The following EYS variants were observed in gnomAD, a reference collection of about 807,000 sequenced individuals.
EYS encodes protein eyes shut homolog.
In EYS, 250 loss-of-function variants were observed where a neutral mutation model predicts 282.1. The observed-to-expected ratio is 0.89, with a 90% confidence interval of 0.80 to 0.98. The LOEUF is 0.98. EYS is among the 50% of genes least tolerant of loss of function. EYS has a pLI of 0.00. For missense variants in EYS, 4,016 were observed against 3,709.0 expected (o/e 1.08, Z -2.15); for synonymous variants, 1,355 against 1,282.9 (o/e 1.06, Z -1.20).
intron 8 of EYS, among the ~76,000 whole-genome samples, chr6:65,359,004 A>C (rs535620327): frequency 1.3e-5 from 2 of 152,148 alleles, no homozygotes; most frequent in South Asian, 4.1e-4. Context: ...ATGCCTTTGG[A>C]AGCAAACATC....
At chr6:64,585,320 G>C (rs2149827337) in intron 26 of EYS, among the ~76,000 whole-genome samples, 1 of 152,202 alleles carries the variant, frequency 6.6e-6, no homozygotes, top group South Asian at 2.1e-4. Context: ...ACTAGTAGAA[G>C]TTGGGGAGGG....
intron 30 of EYS, among the ~76,000 whole-genome samples, chr6:64,293,711 G>T (rs1374203995): frequency 6.6e-6 from 1 of 152,028 alleles, no homozygotes; most frequent in Non-Finnish European, 1.5e-5. Flanking sequence ...GATGCATAGA[G>T]ATGTATTTTA....
At chr6:65,566,241 C>T (rs1321465624) in intron 2 of EYS, among the ~76,000 whole-genome samples, 1 of 151,936 alleles carries the variant, frequency 6.6e-6, no homozygotes, top group South Asian at 2.1e-4. Flanking sequence ...ATGCACTAGA[C>T]TGGTAAGGGA....
At chr6:65,199,884 C>T (rs889140465) in intron 12 of EYS, among the ~76,000 whole-genome samples, 4 of 152,020 alleles carry the variant, frequency 2.6e-5, no homozygotes, top group Admixed American at 6.6e-5. Context: ...AAACAGGAAA[C>T]GTCCTAGATT....
chr6:64,505,764 A>C (rs187671214), intron 26 of EYS, among the ~76,000 whole-genome samples: 145 of 152,348 alleles, frequency 9.5e-4, no homozygotes, highest in African/African-American at 3.2e-3. Flanking sequence ...TATTAAAGGT[A>C]ATCTATGGAC....
intron 11 of EYS, among the ~76,000 whole-genome samples, chr6:65,321,755 A>G (rs1769481760): frequency 6.6e-6 from 1 of 152,192 alleles, no homozygotes; most frequent in Admixed American, 6.5e-5. Context: ...TCTGACTGGC[A>G]CAAAGATGTT....
intron 12 of EYS, among the ~76,000 whole-genome samples, chr6:65,249,070 A>T (rs1309134313): frequency 6.6e-6 from 1 of 151,554 alleles, no homozygotes; most frequent in African/African-American, 2.4e-5. Flanking sequence ...GACAAGTGAA[A>T]AAAAAAAAAC....
intron 35 of EYS, among the ~76,000 whole-genome samples, chr6:63,871,361 C>T (rs931629979): frequency 2.0e-5 from 3 of 152,012 alleles, no homozygotes; most frequent in African/African-American, 4.8e-5. Context: ...GAGTTTTCCC[C>T]GTTATTAATT....
In EYS at chr6:65,061,739, C is replaced by T. The variant is rs72877886; in HGVS notation, c.2024-4012G>A. 5.1e-3 allele frequency among the ~76,000 whole-genome samples: 773 copies of T among 151,882 alleles called. 3 individuals are homozygous for T. Among genetic ancestry groups the T allele is most frequent in the Middle Eastern group, 0.01 (3 of 294 alleles). ...TCTGTTACTTAATGATATTTACTTC[C>T]ATCATATTCCTCAATTGCTTGCACC... is the stretch of plus-strand genomic sequence containing the variant. On this transcript the variant is annotated intron_variant, in intron 12 of 42. Transcript: ENST00000503581.
intron 30 of EYS, among the ~76,000 whole-genome samples, chr6:64,244,482 A>G (rs1766942046): frequency 6.6e-6 from 1 of 152,168 alleles, no homozygotes; most frequent in Non-Finnish European, 1.5e-5. Context: ...ATGTGTTGAG[A>G]TAAAGAATCG....
chr6:65,412,803 G>T (rs1393259271), intron 5 of EYS, among the ~76,000 whole-genome samples: 1 of 151,794 alleles, frequency 6.6e-6, no homozygotes, highest in Non-Finnish European at 1.5e-5. Flanking sequence ...GGTATTTCTA[G>T]AAAAAAATAG....
chr6:64,113,684 G>A (rs1485786345), intron 31 of EYS, among the ~76,000 whole-genome samples: 1 of 152,116 alleles, frequency 6.6e-6, no homozygotes, highest in Non-Finnish European at 1.5e-5. Context: ...AATGGAGTTA[G>A]TTTTAATTAT....
chr6:65,591,733 A>G (rs1765240961), intron 2 of EYS, among the ~76,000 whole-genome samples: 1 of 152,014 alleles, frequency 6.6e-6, no homozygotes, highest in Non-Finnish European at 1.5e-5. Flanking sequence ...CTGATTCTTC[A>G]GCTATCACTT....
chr6:64,654,150 G>T (rs534228753), intron 22 of EYS, among the ~76,000 whole-genome samples: 4 of 151,832 alleles, frequency 2.6e-5, no homozygotes, highest in African/African-American at 9.7e-5. Context: ...AGACATTATT[G>T]GAAACAGCAG....
intron 13 of EYS, among the ~76,000 whole-genome samples, chr6:65,032,834 G>T (rs1772647629): frequency 6.6e-6 from 1 of 152,180 alleles, no homozygotes. Flanking sequence ...GAAGCTGAAA[G>T]AGTTTGGAGG....
chr6:65,101,742 A>T (rs892717780), intron 12 of EYS, among the ~76,000 whole-genome samples: 1 of 151,202 alleles, frequency 6.6e-6, no homozygotes, highest in Non-Finnish European at 1.5e-5. Context: ...TAAGTATCAG[A>T]TTGGGTAATG....
chr6:65,692,035 T>C (rs1769262175), intron 1 of EYS, among the ~76,000 whole-genome samples: 1 of 149,984 alleles, frequency 6.7e-6, no homozygotes, highest in Non-Finnish European at 1.5e-5. Context: ...AGTCCATCAG[T>C]GGATTATTGG....
rs376734760 is a variant in EYS at position 63,790,252 on chromosome 6, TCTAGTATTA to T, written c.7412-1037_7412-1029del. On this transcript the variant is annotated intron_variant, in intron 37 of 42. Transcript: ENST00000503581. ...TGATGCTTTGTCTGTTGACTGGGCT[TCTAGTATTA>T]CTTTGATCAGGGTAAAGGAGAGAAA... 2.8e-3 allele frequency among the ~76,000 whole-genome samples: 433 copies of T among 152,314 alleles called. 2 individuals carry two copies. The highest frequency in any genetic ancestry group is 0.01 in the African/African-American group (420 of 41,562).
At chr6:65,403,487 C>A (rs1035978345) in intron 6 of EYS, among the ~76,000 whole-genome samples, 1 of 151,624 alleles carries the variant, frequency 6.6e-6, no homozygotes, top group Non-Finnish European at 1.5e-5. Context: ...GTAAAAAGCC[C>A]GTATACTTAA....
Sources: allele counts gnomAD v4.1 joint callset (sites outside exome capture counted in the v4.1 genomes callset), GRCh38; gene constraint gnomAD v4.1.1; transcripts MANE v1.5; gene names NCBI Gene and HGNC (gene_info 2026-07-23, HGNC 2026-07-21).